Variants in TENM4 observed in about 807,000 individuals in gnomAD.
TENM4 encodes teneurin transmembrane protein 4.
A neutral mutation model predicts 243.3 loss-of-function variants in TENM4; 82 were observed. The observed-to-expected ratio is 0.34, with a 90% CI of 0.28 to 0.40. TENM4 has a LOEUF of 0.40. TENM4 is among the 10% of genes least tolerant of loss of function. The probability of loss-of-function intolerance (pLI) is 1.00; values close to 1 mark genes in which losing one functional copy is unlikely to be tolerated. For missense variants in TENM4, 3,138 were observed against 3,673.3 expected (o/e 0.85, Z 3.77); for synonymous variants, 1,412 against 1,456.3 (o/e 0.97, Z 0.69).
intron 23 of TENM4, among the ~76,000 whole-genome samples, chr11:78,724,850 G>A (rs1855478775): frequency 6.6e-6 from 1 of 152,240 alleles, no homozygotes; most frequent in South Asian, 2.1e-4. Flanking sequence ...CCTTCCTGAT[G>A]GCTGGAAAGT....
intron 4 of TENM4, among the ~76,000 whole-genome samples, chr11:79,143,205 T>C (rs1337088771): frequency 1.3e-5 from 2 of 152,154 alleles, no homozygotes; most frequent in African/African-American, 2.4e-5. Flanking sequence ...TAAATCATGC[T>C]ACTATAAAGA....
intron 6 of TENM4, among the ~76,000 whole-genome samples, chr11:79,053,779 T>G (rs1169701585): frequency 6.6e-6 from 1 of 152,184 alleles, no homozygotes; most frequent in East Asian, 1.9e-4. Context: ...CCTCCTGGGC[T>G]TCATGTATCA....
chr11:79,088,586 G>T (rs1044489331), intron 4 of TENM4, among the ~76,000 whole-genome samples: 2 of 152,138 alleles, frequency 1.3e-5, no homozygotes, highest in East Asian at 1.9e-4. Context: ...TTGTTGGGGG[G>T]ACTGAGTGAG....
intron 2 of TENM4, among the ~76,000 whole-genome samples, chr11:79,218,243 C>CCCT (rs1163575964): frequency 1.5e-3 from 211 of 143,504 alleles, no homozygotes; most frequent in Non-Finnish European, 2.2e-3. Flanking sequence ...CACCCACCCC[C>CCCT]GACACACACA....
intron 6 of TENM4, among the ~76,000 whole-genome samples, chr11:79,032,844 T>A (rs543489379): frequency 6.6e-6 from 1 of 152,218 alleles, no homozygotes; most frequent in Non-Finnish European, 1.5e-5. Context: ...TAGGGACTGA[T>A]ATTTTTTTCC....
At chr11:79,439,542 G>GA (rs1859351471) in intron 1 of TENM4, among the ~76,000 whole-genome samples, 1 of 152,126 alleles carries the variant, frequency 6.6e-6, no homozygotes, top group African/African-American at 2.4e-5. Flanking sequence ...GGCAGGCAGA[G>GA]AAGGGGCGGG....
At chr11:78,789,251 A>G (rs1214804667) in intron 15 of TENM4, among the ~76,000 whole-genome samples, 1 of 152,084 alleles carries the variant, frequency 6.6e-6, no homozygotes, top group African/African-American at 2.4e-5. Flanking sequence ...GAAAAGTCCA[A>G]CCAGGCCCAC....
chr11:78,988,211 T>TGGAG (rs1291234247), intron 6 of TENM4, among the ~76,000 whole-genome samples: 1 of 152,192 alleles, frequency 6.6e-6, no homozygotes, highest in Non-Finnish European at 1.5e-5. Context: ...CAAGTAGCTA[T>TGGAG]GGAGGGGTCC....
At chr11:79,154,091 G>A (rs1324907533) in intron 3 of TENM4, among the ~76,000 whole-genome samples, 1 of 151,928 alleles carries the variant, frequency 6.6e-6, no homozygotes, top group African/African-American at 2.4e-5. Flanking sequence ...TGCTGCTTGT[G>A]CTAGTTGGCT....
In TENM4 at chr11:79,138,069, G is replaced by T. The variant is rs564175941; in HGVS notation, c.-66+10641C>A. On this transcript the variant is annotated intron_variant, in intron 4 of 33. Coordinates refer to ENST00000278550, the MANE Select transcript of TENM4 (RefSeq NM_001098816.3). ...GCAGACCCACACTTAATCTGGGTGG[G>T]CACAATCTAATCAGTTGCCAGCATG... 2.9e-3 allele frequency among the ~76,000 whole-genome samples: 440 copies of T among 151,680 alleles called. 3 individuals are homozygous for T. Among genetic ancestry groups the T allele is most frequent in the African/African-American group, 0.01 (414 of 41,360 alleles).
intron 4 of TENM4, among the ~76,000 whole-genome samples, chr11:79,113,618 A>G (rs1393746800): frequency 1.3e-5 from 2 of 152,070 alleles, no homozygotes; most frequent in East Asian, 1.9e-4. Context: ...TAAGGATCCA[A>G]TGACAATGTT....
chr11:79,389,548 T>C (rs1339117135), intron 1 of TENM4, among the ~76,000 whole-genome samples: 1 of 152,210 alleles, frequency 6.6e-6, no homozygotes, highest in African/African-American at 2.4e-5. Context: ...CAGCCAATGT[T>C]GAGAAGCATT....
At chr11:79,380,237 A>G (rs1261898185) in intron 1 of TENM4, among the ~76,000 whole-genome samples, 1 of 151,814 alleles carries the variant, frequency 6.6e-6, no homozygotes, top group Non-Finnish European at 1.5e-5. Context: ...TTTGCCTTCA[A>G]GATTTCTCAT....
rs571703081 is a variant in TENM4, at chr11:79,357,241, G to A, written c.-320-59698C>T. On this transcript the variant is annotated intron_variant, in intron 1 of 33. Transcript: ENST00000278550. ...GGAGACTTACCTGGAAGTTCCCAAAGCAATGGCATGATCTCCAATGCTACA... is the reference window on the plus strand; with the variant it reads ...GGAGACTTACCTGGAAGTTCCCAAAACAATGGCATGATCTCCAATGCTACA... 5.0e-4 allele frequency among the ~76,000 whole-genome samples: 76 copies of A among 152,334 alleles called. 1 individual carries two copies. Among genetic ancestry groups the A allele is most frequent in the African/African-American group, 1.8e-3 (74 of 41,566 alleles).
At chr11:79,218,224 C>T (rs1443172018) in intron 2 of TENM4, among the ~76,000 whole-genome samples, 1 of 67,630 alleles carries the variant, frequency 1.5e-5, no homozygotes, top group Admixed American at 1.3e-4. Context: ...TAGAAGTTTA[C>T]CCCCTGCCCA....
At chr11:78,789,919 C>A (rs1210242845) in intron 15 of TENM4, among the ~76,000 whole-genome samples, 1 of 152,148 alleles carries the variant, frequency 6.6e-6, no homozygotes, top group Non-Finnish European at 1.5e-5. Context: ...GCTCTATGAC[C>A]TACTCAATAG....
intron 4 of TENM4, among the ~76,000 whole-genome samples, chr11:79,142,138 A>C (rs1168103616): frequency 6.6e-6 from 1 of 152,112 alleles, no homozygotes; most frequent in Non-Finnish European, 1.5e-5. Flanking sequence ...TAGAGCAATC[A>C]GACAAGAGAA....
chr11:79,271,108 T>G (rs1054282589), intron 2 of TENM4, among the ~76,000 whole-genome samples: 7 of 152,140 alleles, frequency 4.6e-5, no homozygotes, highest in Non-Finnish European at 8.8e-5. Flanking sequence ...ATGGAATTAG[T>G]CAGTCTGGGG....
intron 3 of TENM4, among the ~76,000 whole-genome samples, chr11:79,151,422 T>C (rs1236941222): frequency 6.6e-6 from 1 of 152,170 alleles, no homozygotes; most frequent in Non-Finnish European, 1.5e-5. Flanking sequence ...GACAAAGGAA[T>C]TGTTCCAAAG....
Sources: allele counts gnomAD v4.1 joint callset (sites outside exome capture counted in the v4.1 genomes callset), GRCh38; gene constraint gnomAD v4.1.1; transcripts MANE v1.5; gene names NCBI Gene and HGNC (gene_info 2026-07-23, HGNC 2026-07-21).